GALNT10: variants seen among roughly 807,000 people sequenced by gnomAD.
GALNT10 encodes GalNAc transferase 10.
A neutral mutation model predicts 75.0 loss-of-function variants in GALNT10; 41 were observed. The ratio of observed to expected loss-of-function variants is 0.55; its 90% CI spans 0.43 to 0.71. GALNT10 has a LOEUF of 0.71. Ranked by LOEUF, GALNT10 falls within the 30% of genes least tolerant of loss-of-function variation. The pLI, the probability that GALNT10 is intolerant of heterozygous loss-of-function variation, is 0.00. For missense variants in GALNT10, 727 were observed against 818.5 expected, an observed-to-expected ratio of 0.89 and a Z score of 1.36; for synonymous variants, 302 against 313.0, an observed-to-expected ratio of 0.96 and a Z score of 0.37.
intron 1 of GALNT10, among the ~76,000 whole-genome samples, chr5:154,206,133 C>T (rs762528425): frequency 6.6e-6 from 1 of 152,268 alleles, no homozygotes; most frequent in South Asian, 2.1e-4. Flanking sequence ...TAGCTACTTA[C>T]ATTTCTTTTT....
intron 8 of GALNT10, among the ~76,000 whole-genome samples, chr5:154,406,803 A>G (rs975902532): frequency 6.6e-6 from 1 of 151,968 alleles, no homozygotes; most frequent in Admixed American, 6.6e-5. Flanking sequence ...TCTTGGGGGG[A>G]AAAAAAGTGC....
chr5:154,261,952 G>T (rs1259707448), intron 1 of GALNT10, among the ~76,000 whole-genome samples: 6 of 152,132 alleles, frequency 3.9e-5, no homozygotes, highest in African/African-American at 1.4e-4. Flanking sequence ...ACATCTATCT[G>T]CCCTATTTGG....
At position 154,364,979 on chromosome 5, in the gene GALNT10, A is replaced by G. The variant is rs1034238976; in HGVS notation, c.569-11298A>G. Among the ~76,000 whole-genome samples the G allele has an allele frequency of 3.9e-5, 6 of 152,126 alleles. No homozygotes were observed. In the South Asian group the frequency reaches 1.2e-3, roughly 31 times the overall value. On this transcript the variant is annotated intron_variant, in intron 4 of 11. Transcript: ENST00000297107. The stretch of plus-strand genomic sequence containing the variant: ...TTAACTTGATAGGGGTGGTTTCTGG[A>G]GTGTTTTTATTCGTCGTCTGATTAT...
chr5:154,211,476 CCTT>C (rs1165545087), intron 1 of GALNT10, among the ~76,000 whole-genome samples: 10 of 152,318 alleles, frequency 6.6e-5, no homozygotes, highest in Non-Finnish European at 1.0e-4. Flanking sequence ...GCAGGTTACT[CCTT>C]CTGCTGTGAA....
Position 154,294,905 on chromosome 5 carries a change from C to T in GALNT10, c.249C>T (p.Asp83=), listed in dbSNP as rs377176417. The change falls in exon 2 of 12, where the codon GAC becomes GAT. Residue 83 remains aspartate (D), a synonymous_variant. Coordinates refer to ENST00000297107, the MANE Select transcript of GALNT10 (RefSeq NM_198321.4). ...DWHDKEAIRR[D]AQRVGNGEQG... ...ATGACAAGGAGGCCATCCGGAGGGA[C>T]GCTCAGCGCGTAGGTACGGAGGGCA... The T allele has an allele frequency of 3.7e-5, 57 of 1,554,674 alleles. No homozygotes were observed. The East Asian group carries it at 4.7e-4, about 13-fold the overall frequency.
At chr5:154,330,908 G>GGTGTGTGT (rs370103391) in intron 4 of GALNT10, among the ~76,000 whole-genome samples, 2,762 of 126,010 alleles carry the variant, frequency 0.022, 35 homozygotes, top group South Asian at 0.034. Flanking sequence ...AGACAGAGAG[G>GGTGTGTGT]GTGTGTGTGT....
intron 1 of GALNT10, among the ~76,000 whole-genome samples, chr5:154,193,243 C>T: frequency 6.6e-6 from 1 of 152,170 alleles, no homozygotes; most frequent in East Asian, 1.9e-4. Context: ...GCTGTTTCCC[C>T]AATGATAAGC....
At chr5:154,315,126 C>CA (rs141178404) in intron 3 of GALNT10, among the ~76,000 whole-genome samples, 44,707 of 150,650 alleles carry the variant, frequency 0.3, 7,183 homozygotes, top group African/African-American at 0.42. Context: ...TTTTCACAAT[C>CA]AAAAAAAAAT....
At chr5:154,207,728 C>T (rs1173168111) in intron 1 of GALNT10, among the ~76,000 whole-genome samples, 1 of 152,098 alleles carries the variant, frequency 6.6e-6, no homozygotes, top group Non-Finnish European at 1.5e-5. Context: ...GGAGATAGCA[C>T]AGTCAAAAGT....
chr5:154,283,831 A>C (rs191436639), intron 1 of GALNT10, among the ~76,000 whole-genome samples: 121 of 152,332 alleles, frequency 7.9e-4, no homozygotes, highest in African/African-American at 2.9e-3. Context: ...GTCATTGTCT[A>C]CCAGGTGTAC....
intron 6 of GALNT10, among the ~76,000 whole-genome samples, chr5:154,382,350 A>C (rs1755746211): frequency 1.3e-5 from 2 of 152,220 alleles, no homozygotes; most frequent in South Asian, 4.1e-4. Context: ...TCTTGAACAC[A>C]GTTGATCACT....
intron 2 of GALNT10, among the ~76,000 whole-genome samples, chr5:154,297,223 C>T (rs1754290154): frequency 6.6e-6 from 1 of 152,266 alleles, no homozygotes; most frequent in South Asian, 2.1e-4. Flanking sequence ...GAAAGGAAAG[C>T]TAGCACTTTA....
chr5:154,285,474 G>T (rs1754097408), intron 1 of GALNT10, among the ~76,000 whole-genome samples: 1 of 152,086 alleles, frequency 6.6e-6, no homozygotes, highest in Non-Finnish European at 1.5e-5. Context: ...GGTCCCAGGT[G>T]GGTTTCACCT....
intron 4 of GALNT10, among the ~76,000 whole-genome samples, chr5:154,344,358 C>T (rs1285707180): frequency 5.9e-5 from 9 of 151,788 alleles, no homozygotes; most frequent in East Asian, 1.9e-4. Flanking sequence ...ATTACAGGCG[C>T]GCACCACCAT....
chr5:154,242,441 G>A (rs551169530), intron 1 of GALNT10, among the ~76,000 whole-genome samples: 14 of 152,204 alleles, frequency 9.2e-5, no homozygotes, highest in African/African-American at 3.1e-4. Flanking sequence ...TGTGTCCCTC[G>A]GGCACTTTTC....
chr5:154,211,296 G>A (rs1775194112), intron 1 of GALNT10, among the ~76,000 whole-genome samples: 1 of 152,140 alleles, frequency 6.6e-6, no homozygotes, highest in Admixed American at 6.5e-5. Context: ...TGGACTCTCT[G>A]GAGGGAGTGC....
At chr5:154,398,827 A>G (rs959310846) in intron 7 of GALNT10, among the ~76,000 whole-genome samples, 4 of 152,212 alleles carry the variant, frequency 2.6e-5, no homozygotes, top group African/African-American at 7.2e-5. Context: ...TTAGTTAAGA[A>G]AAAATACTTC....
intron 4 of GALNT10, among the ~76,000 whole-genome samples, chr5:154,355,718 G>C (rs1448387236): frequency 6.7e-6 from 1 of 149,718 alleles, no homozygotes; most frequent in Non-Finnish European, 1.5e-5. Context: ...TTTTGCAGTT[G>C]AGATATCTGA....
At position 154,317,368 on chromosome 5, in the gene GALNT10, G is replaced by A. The variant is rs114979207; in HGVS notation, c.402-12204G>A. 4.8e-3 allele frequency among the ~76,000 whole-genome samples: 726 copies of A among 152,218 alleles called. 6 individuals carry two copies. Among genetic ancestry groups the A allele is most frequent in the African/African-American group, 0.017 (696 of 41,520 alleles). ...TGTATTTTGACTTTTGTTTTCTAGTGCTCCAGCATTAAGCCCTGATGGTAC... is the reference window on the plus strand; with the variant it reads ...TGTATTTTGACTTTTGTTTTCTAGTACTCCAGCATTAAGCCCTGATGGTAC... On this transcript the variant is annotated intron_variant, in intron 3 of 11. Transcript: ENST00000297107.
Sources: gnomAD v4.1 joint callset for allele counts (sites outside exome capture counted in the v4.1 genomes callset) on GRCh38, gnomAD v4.1.1 for gene constraint, MANE v1.5 for transcripts, NCBI Gene and HGNC (gene_info 2026-07-23, HGNC 2026-07-21) for gene names.